PLCB1: variants seen among roughly 807,000 people sequenced by gnomAD.
The protein encoded by PLCB1 is 1-phosphatidylinositol 4,5-bisphosphate phosphodiesterase beta-1.
PLCB1 carries 46 observed loss-of-function variants against 161.8 expected under a neutral mutation model. That is an observed-to-expected ratio of 0.28 (90% confidence interval 0.22 to 0.36). PLCB1 has a LOEUF of 0.36. Ranked by LOEUF, PLCB1 falls within the 10% of genes least tolerant of loss-of-function variation. The pLI, the probability that PLCB1 is intolerant of heterozygous loss-of-function variation, is 1.00. For missense variants in PLCB1, 1,016 were observed against 1,472.5 expected (o/e 0.69, Z 5.07); for synonymous variants, 517 against 503.7 (o/e 1.03, Z -0.35).
chr20:8,290,693 T>A (rs1983346713), intron 2 of PLCB1, among the ~76,000 whole-genome samples: 1 of 152,152 alleles, frequency 6.6e-6, no homozygotes, highest in African/African-American at 2.4e-5. Context: ...TCTGTTACAA[T>A]GTCCAAATAT....
At chr20:8,864,602 G>A (rs1028859989) in intron 31 of PLCB1, among the ~76,000 whole-genome samples, 1 of 152,174 alleles carries the variant, frequency 6.6e-6, no homozygotes, top group African/African-American at 2.4e-5. Context: ...GCGAGTAGAT[G>A]TAAATAGAGA....
chr20:8,548,782 G>C (rs1251663515), intron 3 of PLCB1, among the ~76,000 whole-genome samples: 2 of 151,846 alleles, frequency 1.3e-5, no homozygotes, highest in South Asian at 2.1e-4. Context: ...ATGTTCTCAA[G>C]CCTAACTTTG....
intron 4 of PLCB1, among the ~76,000 whole-genome samples, chr20:8,630,688 C>T (rs1988557949): frequency 6.6e-6 from 1 of 152,202 alleles, no homozygotes; most frequent in Middle Eastern, 3.4e-3. Context: ...GAACTATATT[C>T]CTTTTATAAA....
chr20:8,477,179 C>G (rs1982314962), intron 3 of PLCB1, among the ~76,000 whole-genome samples: 2 of 152,040 alleles, frequency 1.3e-5, no homozygotes, highest in Admixed American at 6.6e-5. Context: ...AATCGCAGGC[C>G]CCTCCAGATC....
chr20:8,829,413 C>G (rs6077432), intron 31 of PLCB1, among the ~76,000 whole-genome samples: 1 of 152,064 alleles, frequency 6.6e-6, no homozygotes, highest in African/African-American at 2.4e-5. Flanking sequence ...CAGATGAACA[C>G]CTTCGTGCTT....
At chr20:8,853,081 G>A (rs775859736) in intron 31 of PLCB1, among the ~76,000 whole-genome samples, 1 of 151,154 alleles carries the variant, frequency 6.6e-6, no homozygotes, top group Non-Finnish European at 1.5e-5. Flanking sequence ...ATGAAAACAT[G>A]TGCATATTGA....
chr20:8,601,368 C>T (rs1987581776), intron 3 of PLCB1, among the ~76,000 whole-genome samples: 1 of 152,106 alleles, frequency 6.6e-6, no homozygotes, highest in South Asian at 2.1e-4. Flanking sequence ...TCCTCTTTCT[C>T]CTCCCACCCT....
chr20:8,625,178 C>A (rs1178208992), intron 3 of PLCB1: 2 of 152,188 alleles, frequency 1.3e-5, no homozygotes, highest in Non-Finnish European at 2.9e-5. Flanking sequence ...CCACTTTTTA[C>A]ACATCTGTTT....
At chr20:8,619,772 A>T (rs954404181) in intron 3 of PLCB1, among the ~76,000 whole-genome samples, 1 of 152,220 alleles carries the variant, frequency 6.6e-6, no homozygotes, top group African/African-American at 2.4e-5. Flanking sequence ...TTAAGGGAAA[A>T]ACAAAATTAA....
intron 2 of PLCB1, among the ~76,000 whole-genome samples, chr20:8,333,666 A>G (rs980319811): frequency 1.3e-5 from 2 of 152,190 alleles, no homozygotes; most frequent in Non-Finnish European, 2.9e-5. Flanking sequence ...CATCTGGCCC[A>G]AAATGTTGAT....
At chr20:8,817,133 A>G (rs1338637838) in intron 31 of PLCB1, among the ~76,000 whole-genome samples, 1 of 152,340 alleles carries the variant, frequency 6.6e-6, no homozygotes, top group East Asian at 1.9e-4. Context: ...ATAATCTAAG[A>G]TAACAAAATA....
At chr20:8,435,795 T>C (rs1980274337) in intron 3 of PLCB1, among the ~76,000 whole-genome samples, 1 of 152,166 alleles carries the variant, frequency 6.6e-6, no homozygotes, top group Non-Finnish European at 1.5e-5. Context: ...CCCATTTCCG[T>C]TACCAGATAT....
intron 3 of PLCB1, among the ~76,000 whole-genome samples, chr20:8,402,217 A>C (rs1978584619): frequency 6.6e-6 from 1 of 152,118 alleles, no homozygotes; most frequent in South Asian, 2.1e-4. Context: ...TGTTCTCCTA[A>C]AAACCATGTG....
chr20:8,809,584 G>A (rs7348709), intron 31 of PLCB1, among the ~76,000 whole-genome samples: 4,014 of 152,056 alleles, frequency 0.026, 162 homozygotes, highest in African/African-American at 0.092. Flanking sequence ...TCATTTACCG[G>A]CATACCACTG....
intron 3 of PLCB1, among the ~76,000 whole-genome samples, chr20:8,564,212 C>T (rs79054940): frequency 0.086 from 13,033 of 151,868 alleles, 989 homozygotes; most frequent in African/African-American, 0.2. Flanking sequence ...CTTTGACAAA[C>T]CTTACAAAAA....
At chr20:8,861,428 T>A (rs1987249107) in intron 31 of PLCB1, among the ~76,000 whole-genome samples, 2 of 152,126 alleles carry the variant, frequency 1.3e-5, no homozygotes, top group Admixed American at 1.3e-4. Flanking sequence ...AGCCCAGGCA[T>A]CATGGCTCAT....
rs1983465890 is a variant in PLCB1 at position 8,502,485 on chromosome 20, T to C, written c.247-125809T>C. On this transcript the variant is annotated intron_variant, in intron 3 of 31. Coordinates refer to ENST00000338037, the MANE Select transcript of PLCB1 (RefSeq NM_015192.4). ...TCATATATGAAGGAAATAAAATGCA[T>C]AATTATTTTCTGGCACATTGACTTG... 6.6e-5 allele frequency among the ~76,000 whole-genome samples: 10 copies of C among 152,324 alleles called. No individual in the cohort carries two copies. The South Asian group carries it at 2.1e-3, about 32-fold the overall frequency.
At chr20:8,500,639 C>T (rs547287927) in intron 3 of PLCB1, among the ~76,000 whole-genome samples, 29 of 152,232 alleles carry the variant, frequency 1.9e-4, no homozygotes, top group Non-Finnish European at 3.5e-4. Context: ...TAGCTCACAC[C>T]GTCTCTAAGT....
intron 9 of PLCB1, among the ~76,000 whole-genome samples, chr20:8,677,185 G>T (rs1292887717): frequency 6.6e-6 from 1 of 151,992 alleles, no homozygotes; most frequent in African/African-American, 2.4e-5. Context: ...CCTGAGGTCG[G>T]GAGTTTGAGA....
Sources: allele counts gnomAD v4.1 joint callset (sites outside exome capture counted in the v4.1 genomes callset), GRCh38; gene constraint gnomAD v4.1.1; transcripts MANE v1.5; gene names NCBI Gene and HGNC (gene_info 2026-07-23, HGNC 2026-07-21).